PGK1: variants seen among roughly 807,000 people sequenced by gnomAD.
PGK1 encodes PRP 2.
PGK1 carries 3 observed loss-of-function variants against 26.9 expected under a neutral mutation model. That is an observed-to-expected ratio of 0.11 (90% CI 0.05 to 0.29). PGK1 has a LOEUF of 0.29. Ranked by LOEUF, PGK1 falls within the 10% of genes least tolerant of loss-of-function variation. The pLI is 1.00. For synonymous variants in PGK1, 125 were observed against 115.3 expected (o/e 1.08, Z -0.54); for missense variants, 270 against 314.7 (o/e 0.86, Z 1.07).
At chrX:78,125,286 T>G (rs868910077) in intron 9 of PGK1, 41 bp from the exon 10 acceptor site, 7 of 1,057,040 alleles carry the variant, frequency 6.6e-6, no homozygotes, top group Non-Finnish European at 6.6e-6. Flanking sequence ...CTTTTTTTTC[T>G]TTTCTCTCTT....
chrX:78,124,876 C>T lies in PGK1; in HGVS notation c.939C>T (p.Gly313=), dbSNP rs782424374. Residue 313 remains glycine (G), a splice_region_variant and synonymous_variant, in exon 9 of 11, where the codon GGC becomes GGT. Transcript: ENST00000373316. ...TCTCTTTCACCTCTACCCCTCAGGG[C>T]TTGGACTGTGGTCCTGAAAGCAGCA... is the stretch of plus-strand genomic sequence containing the variant. ...VASGIPAGWM[G]LDCGPESSKK... 17 of 1,205,500 alleles carry T rather than the reference C, an allele frequency of 1.4e-5. No individual in the cohort carries two copies. In the East Asian group the frequency reaches 2.7e-4, roughly 19 times the overall value.
At chrX:78,120,084 G>A (rs1004573147) in intron 6 of PGK1, among the ~76,000 whole-genome samples, 1 of 65,794 alleles carries the variant, frequency 1.5e-5, no homozygotes, top group Non-Finnish European at 2.8e-5. Context: ...TAGCTGTTAC[G>A]GGGAATTGGA....
chrX:78,123,085 C>T, intron 7 of PGK1, 110 bp from the exon 8 acceptor site: 1 of 742,311 alleles, frequency 1.3e-6, no homozygotes, highest in Non-Finnish European at 2.1e-6. Flanking sequence ...AGTCTTTCGT[C>T]TTTGCATTGT....
intron 1 of PGK1, among the ~76,000 whole-genome samples, chrX:78,109,338 C>T (rs922116670): frequency 2.7e-5 from 3 of 110,353 alleles, no homozygotes; most frequent in East Asian, 2.8e-4. Flanking sequence ...ATTTTTTTCT[C>T]GAGTCATGTT....
chrX:78,119,320 T>C (rs1248606092), intron 6 of PGK1, among the ~76,000 whole-genome samples: 1 of 112,101 alleles, frequency 8.9e-6, no homozygotes, highest in Non-Finnish European at 1.9e-5. Flanking sequence ...TAGTTAAAAA[T>C]AGAAATTTCA....
At chrX:78,105,503 C>T (rs75512664) in intron 1 of PGK1, among the ~76,000 whole-genome samples, 5 of 111,439 alleles carry the variant, frequency 4.5e-5, no homozygotes, top group African/African-American at 1.3e-4. Context: ...TGTAATCTAG[C>T]CCCTTTTCCA....
At chrX:78,108,328 G>A (rs193255936) in intron 1 of PGK1, among the ~76,000 whole-genome samples, 61 of 111,924 alleles carry the variant, frequency 5.5e-4, no homozygotes, top group Admixed American at 5.2e-3. Context: ...GTTGCATGGG[G>A]GAAAATGACC....
In PGK1 at chrX:78,129,273, A is replaced by G. The variant is rs1048793107; in HGVS notation, c.*3443A>G. On this transcript the variant is annotated 3_prime_UTR_variant, in exon 11 of 11. Transcript: ENST00000373316. ...TCTATCTATCTATCTGTATATAGAT[A>G]TATTAAAATGTAAATGGTGGCATAC... The G allele has an allele frequency of 1.1e-5, 1 of 94,612 alleles. No individual in the cohort carries two copies. Among genetic ancestry groups the G allele is most frequent in the Non-Finnish European group, 2.1e-5 (1 of 47,264 alleles). The allele number at this position is 94,612 out of a possible 1,213,427, so 7.8% of individuals were successfully genotyped here. A position where few individuals can be genotyped will look rare whatever the true frequency, so the allele number is the denominator to read the frequency against.
intron 1 of PGK1, among the ~76,000 whole-genome samples, chrX:78,106,122 G>A (rs2078271473): frequency 9.0e-6 from 1 of 111,565 alleles, no homozygotes; most frequent in Non-Finnish European, 1.9e-5. Flanking sequence ...GATTGGAGGA[G>A]CTGCTTAACT....
chrX:78,119,285 A>C (rs2078342082), intron 6 of PGK1, among the ~76,000 whole-genome samples: 1 of 112,188 alleles, frequency 8.9e-6, no homozygotes, highest in Non-Finnish European at 1.9e-5. Context: ...AAAGGCAGCA[A>C]GTAGATAATG....
chrX:78,118,251 T>C (rs1283922315), intron 6 of PGK1, 81 bp downstream of exon 6: 3 of 1,017,541 alleles, frequency 2.9e-6, no homozygotes, highest in East Asian at 6.1e-5. Context: ...TATTGTCATA[T>C]AGCTCAGTCA....
At chrX:78,105,501 A>G (rs2078268131) in intron 1 of PGK1, among the ~76,000 whole-genome samples, 1 of 111,628 alleles carries the variant, frequency 9.0e-6, no homozygotes, top group Non-Finnish European at 1.9e-5. Flanking sequence ...GGTGTAATCT[A>G]GCCCCTTTTC....
intron 1 of PGK1, chrX:78,106,229 T>C (rs1210448646): frequency 7.7e-6 from 1 of 129,466 alleles, no homozygotes; most frequent in Non-Finnish European, 1.5e-5. Flanking sequence ...GAAAATGACC[T>C]GTTCAGGGTT....
chrX:78,124,692 TG>T (rs1293109497), intron 8 of PGK1, among the ~76,000 whole-genome samples, 181 bp from the exon 9 acceptor site: 1 of 111,978 alleles, frequency 8.9e-6, no homozygotes, highest in African/African-American at 3.2e-5. Context: ...CCGTTAGACT[TG>T]ATCTTCCATA....
At chrX:78,108,345 A>G (rs1421026448) in intron 1 of PGK1, among the ~76,000 whole-genome samples, 1 of 112,094 alleles carries the variant, frequency 8.9e-6, no homozygotes, top group Admixed American at 9.4e-5. Flanking sequence ...GACCCATGGT[A>G]ATGGGATATT....
At position 78,114,152 on chromosome X, in the gene PGK1, G is replaced by T. The variant is rs782159651; in HGVS notation, c.409G>T (p.Gly137Trp). ...EEEGKGKDASGNKVKAEPAKI... is the reference protein window; with the variant it reads ...EEEGKGKDASWNKVKAEPAKI... ...AGAAGGGAAGGGAAAAGATGCTTCT[G>T]GGAACAAGGTAGGACCTGTGATTTT... The change falls in exon 4 of 11, where the codon GGG becomes TGG. Residue 137 changes from glycine (G) to tryptophan (W), a missense_variant. Gly to Trp is a radical substitution (Grantham distance 184). Coordinates refer to ENST00000373316, the MANE Select transcript of PGK1 (RefSeq NM_000291.4). 15 of 1,210,489 alleles carry T rather than the reference G, an allele frequency of 1.2e-5. No individual in the cohort carries two copies. In the South Asian group the frequency reaches 2.6e-4, roughly 21 times the overall value.
At position 78,129,256 on chromosome X, in the gene PGK1, T is replaced by TCTAC. The variant is rs1339269971; in HGVS notation, c.*3429_*3430insCCTA. ...ATCTATCTATCTATCTATCTATCTATCTATCTGTATATAGATATATTAAAA... is the reference window on the plus strand; with the variant it reads ...ATCTATCTATCTATCTATCTATCTATCTACCTATCTGTATATAGATATATTAAAA... On this transcript the variant is annotated 3_prime_UTR_variant, in exon 11 of 11. Transcript: ENST00000373316. 2 of 110,896 alleles carry TCTAC rather than the reference T, an allele frequency of 1.8e-5. 1 individual carries two copies. The highest frequency in any genetic ancestry group is 6.6e-5 in the African/African-American group (2 of 30,447). The allele number at this position is 110,896 out of a possible 1,213,427, so 9.1% of individuals were successfully genotyped here.
chrX:78,124,710 A>C (rs1169834994), intron 8 of PGK1, among the ~76,000 whole-genome samples, 164 bp from the exon 9 acceptor site: 1 of 111,811 alleles, frequency 8.9e-6, no homozygotes, highest in Non-Finnish European at 1.9e-5. Flanking sequence ...CATACAGTAG[A>C]ATTTTTGAGT....
In PGK1 at chrX:78,128,693, AT is replaced by A. The variant is rs1243642479; in HGVS notation, c.*2864del. 2.7e-5 allele frequency: 3 copies of A among 112,446 alleles called. No homozygotes were observed. The highest frequency in any genetic ancestry group is 9.7e-5 in the African/African-American group (3 of 30,921). The allele number at this position is 112,446 out of a possible 1,213,427, so 9.3% of individuals were successfully genotyped here. The stretch of plus-strand genomic sequence containing the variant: ...TATGTGTGTTTATATGCAGAAAAAA[AT>A]AATTCCCATGTCGTAAGTGAACAAT... On this transcript the variant is annotated 3_prime_UTR_variant, in exon 11 of 11. Transcript: ENST00000373316.
Sources: gnomAD v4.1 joint callset for allele counts (sites outside exome capture counted in the v4.1 genomes callset) on GRCh38, gnomAD v4.1.1 for gene constraint, MANE v1.5 for transcripts, NCBI Gene and HGNC (gene_info 2026-07-23, HGNC 2026-07-21) for gene names.